GNB5: variants seen among roughly 807,000 people sequenced by gnomAD.
GNB5 encodes G protein subunit beta 5, also known as guanine nucleotide-binding protein subunit beta-5.
GNB5 carries 37 observed loss-of-function variants against 55.3 expected under a neutral mutation model. That is an observed-to-expected ratio of 0.67 (90% CI 0.51 to 0.88). The LOEUF (loss-of-function observed/expected upper bound fraction) is 0.88, where lower values mean the gene tolerates loss of function less well. Ranked by LOEUF, GNB5 falls within the 40% of genes least tolerant of loss-of-function variation. The pLI is 0.00. For missense variants in GNB5, 476 were observed against 515.3 expected (o/e 0.92, Z 0.74); for synonymous variants, 219 against 198.5 (o/e 1.10, Z -0.87).
At chr15:52,165,496 G>A (rs1036498096) in intron 3 of GNB5, among the ~76,000 whole-genome samples, 7 of 152,154 alleles carry the variant, frequency 4.6e-5, no homozygotes. Context: ...ACTAACAGCA[G>A]ACCTCTCAGT....
chr15:52,185,750 CTTTT>C (rs200299592), intron 1 of GNB5, among the ~76,000 whole-genome samples: 1 of 123,690 alleles, frequency 8.1e-6, no homozygotes, highest in Non-Finnish European at 1.7e-5. Context: ...GTGTATTCAT[CTTTT>C]TATTATTATT....
At chr15:52,128,408 T>C in intron 9 of GNB5, 164 bp from the exon 10 acceptor site, 1 of 625,986 alleles carries the variant, frequency 1.6e-6, no homozygotes, top group Non-Finnish European at 2.9e-6. Flanking sequence ...CACTGATCTC[T>C]AGTTTTCTTC....
chr15:52,185,310 G>A (rs1304371317), intron 1 of GNB5, among the ~76,000 whole-genome samples: 2 of 152,240 alleles, frequency 1.3e-5, no homozygotes, highest in South Asian at 2.1e-4. Context: ...GCCTGGTCCC[G>A]GCCCACCACT....
intron 1 of GNB5, among the ~76,000 whole-genome samples, chr15:52,189,934 G>C (rs2034895638): frequency 6.6e-6 from 1 of 152,132 alleles, no homozygotes; most frequent in African/African-American, 2.4e-5. Flanking sequence ...GGGAAGGAGG[G>C]AGCTGAGAGT....
intron 3 of GNB5, among the ~76,000 whole-genome samples, chr15:52,170,821 T>A (rs181338990): frequency 6.6e-6 from 1 of 151,976 alleles, no homozygotes; most frequent in Non-Finnish European, 1.5e-5. Context: ...AAAAAATTCA[T>A]GAGGCTGGGC....
In GNB5 at chr15:52,136,159, CA is replaced by C. The variant is rs1566935764; in HGVS notation, c.628-404del. Among the ~76,000 whole-genome samples, 88 of 127,516 alleles carry C rather than the reference CA, an allele frequency of 6.9e-4. 2 individuals are homozygous for C. The highest frequency in any genetic ancestry group is 2.3e-3 in the African/African-American group (80 of 34,470). 83.7% of individuals were successfully genotyped at this position (127,516 alleles called of 152,430 possible). A position where few individuals can be genotyped will look rare whatever the true frequency, so the allele number is the denominator to read the frequency against. ...ACACACACACACACACACACACACACACACACACACACACCCTACCTGCTGT... is the reference window on the plus strand; with the variant it reads ...ACACACACACACACACACACACACACCACACACACACACCCTACCTGCTGT... On this transcript the variant is annotated intron_variant, in intron 7 of 12. Coordinates refer to ENST00000261837, the MANE Select transcript of GNB5 (RefSeq NM_016194.4).
rs2033143882 is a variant in GNB5, at chr15:52,116,543, T to C, written c.*6214A>G. On this transcript the variant is annotated 3_prime_UTR_variant, in exon 13 of 13. Transcript: ENST00000261837. The stretch of plus-strand genomic sequence containing the variant: ...ATACAATGTGTAATGATCAGGGTAA[T>C]TAGCATATTAATCCCTTAAATGTCT... 1 of 151,732 alleles carries C rather than the reference T, an allele frequency of 6.6e-6. No individual in the cohort carries two copies. The highest frequency in any genetic ancestry group is 6.5e-5 in the Admixed American group (1 of 15,268). 9.4% of individuals were successfully genotyped at this position (151,732 alleles called of 1,614,324 possible).
intron 4 of GNB5, among the ~76,000 whole-genome samples, chr15:52,150,148 A>C (rs980980710): frequency 1.2e-4 from 19 of 152,130 alleles, no homozygotes; most frequent in African/African-American, 4.6e-4. Flanking sequence ...TCAACCTTAC[A>C]TTCCTTGGAA....
At chr15:52,186,585 A>AG (rs1414867529) in intron 1 of GNB5, among the ~76,000 whole-genome samples, 6 of 152,190 alleles carry the variant, frequency 3.9e-5, no homozygotes, top group African/African-American at 1.4e-4. Flanking sequence ...AAAGCGGTTA[A>AG]GGGGGAAGGG....
chr15:52,124,693 T>A (rs1411261390), intron 11 of GNB5, 54 bp from the exon 12 acceptor site: 1 of 1,464,014 alleles, frequency 6.8e-7, no homozygotes, highest in African/African-American at 1.4e-5. Flanking sequence ...TTCCTGTTTC[T>A]CATTACATGA....
chr15:52,176,940 C>T lies in GNB5; in HGVS notation c.238+2828G>A, dbSNP rs539569734. Reference sequence around the variant, plus strand: ...AGCTGGACTCTGCCCTGCATACTCCCCTCCAGACACACCTGCCTCCTCACT... The same window carrying T: ...AGCTGGACTCTGCCCTGCATACTCCTCTCCAGACACACCTGCCTCCTCACT... On this transcript the variant is annotated intron_variant, in intron 3 of 12. Coordinates refer to ENST00000261837, the MANE Select transcript of GNB5 (RefSeq NM_016194.4). Among the ~76,000 whole-genome samples, 4 of 152,260 alleles carry T rather than the reference C, an allele frequency of 2.6e-5. No individual in the cohort carries two copies. In the South Asian group the frequency reaches 8.3e-4, roughly 32 times the overall value.
chr15:52,148,479 G>A (rs1172961195), intron 5 of GNB5, among the ~76,000 whole-genome samples: 3 of 152,172 alleles, frequency 2.0e-5, no homozygotes, highest in Admixed American at 1.3e-4. Context: ...GCCTGTGTGC[G>A]GTTGCACATC....
intron 3 of GNB5, among the ~76,000 whole-genome samples, chr15:52,158,778 C>G (rs1017103482): frequency 1.3e-5 from 2 of 152,090 alleles, no homozygotes; most frequent in Admixed American, 1.3e-4. Context: ...CAAACTCTTT[C>G]CTAGTTCATT....
At chr15:52,190,007 T>G (rs2034896626) in intron 1 of GNB5, among the ~76,000 whole-genome samples, 1 of 152,104 alleles carries the variant, frequency 6.6e-6, no homozygotes, top group African/African-American at 2.4e-5. Flanking sequence ...CTGGAGTCAG[T>G]GGCAATGGTT....
chr15:52,154,503 G>C (rs2034167426), intron 3 of GNB5, among the ~76,000 whole-genome samples: 1 of 152,190 alleles, frequency 6.6e-6, no homozygotes, highest in African/African-American at 2.4e-5. Context: ...AGGTTATCTG[G>C]TTAAGACAAG....
chr15:52,183,342 G>GGT (rs1011298721), intron 2 of GNB5, among the ~76,000 whole-genome samples: 88 of 151,320 alleles, frequency 5.8e-4, no homozygotes, highest in African/African-American at 2.0e-3. Context: ...ATGGGGGGGG[G>GGT]GTAAGGCCCC....
chr15:52,187,112 T>C (rs2034856681), intron 1 of GNB5, among the ~76,000 whole-genome samples: 2 of 152,134 alleles, frequency 1.3e-5, no homozygotes. Flanking sequence ...CAAGCTAGCA[T>C]GGTCAAGCTG....
Position 52,135,745 on chromosome 15 carries a change from C to T in GNB5, c.639G>A (p.Ala213=), listed in dbSNP as rs1486689865. The part of the protein sequence containing the change: ...FTNSDMQILT[A]SGDGTCALWD... ...ACAGGGCACATGTGCCATCGCCGCT[C>T]GCTGTCAGGATCTGCCCGCAGAAAA... The change falls in exon 8 of 13, where the codon GCG becomes GCA. Residue 213 remains alanine, a synonymous_variant. Transcript: ENST00000261837. The T allele has an allele frequency of 1.2e-5, 20 of 1,612,228 alleles. No homozygotes were observed. The highest frequency in any genetic ancestry group is 2.7e-5 in the African/African-American group (2 of 74,770).
intron 7 of GNB5, among the ~76,000 whole-genome samples, chr15:52,136,045 G>A (rs2033700139): frequency 7.4e-6 from 1 of 134,814 alleles, no homozygotes; most frequent in Non-Finnish European, 1.5e-5. Flanking sequence ...GAGGCTTAAC[G>A]TTTTGCAGGG....
Sources: allele counts gnomAD v4.1 joint callset (sites outside exome capture counted in the v4.1 genomes callset), GRCh38; gene constraint gnomAD v4.1.1; transcripts MANE v1.5; gene names NCBI Gene and HGNC (gene_info 2026-07-23, HGNC 2026-07-21).